The following ASTN2 variants were observed in gnomAD, a reference collection of about 807,000 sequenced individuals.
The protein encoded by ASTN2 is astrotactin-2.
A neutral mutation model predicts 139.8 loss-of-function variants in ASTN2; 54 were observed. The ratio of observed to expected loss-of-function variants is 0.39; its 90% confidence interval spans 0.31 to 0.48. The LOEUF is 0.48. Among genes scored for constraint, ASTN2 ranks in the 20% least tolerant of loss-of-function variants. The probability of loss-of-function intolerance (pLI) is 0.95; values close to 1 mark genes in which losing one functional copy is unlikely to be tolerated. For synonymous variants in ASTN2, 756 were observed against 719.5 expected (o/e 1.05, Z -0.81); for missense variants, 1,565 against 1,725.1 (o/e 0.91, Z 1.64).
intron 13 of ASTN2, among the ~76,000 whole-genome samples, chr9:116,801,466 C>T (rs1156362202): frequency 6.7e-6 from 1 of 149,492 alleles, no homozygotes; most frequent in Non-Finnish European, 1.5e-5. Flanking sequence ...GTAATCCCAG[C>T]TACTTGGGAG....
At chr9:117,013,514 G>T (rs1837592234) in intron 6 of ASTN2, among the ~76,000 whole-genome samples, 1 of 149,008 alleles carries the variant, frequency 6.7e-6, no homozygotes. Flanking sequence ...CTTACTTGTG[G>T]GAATATACAT....
At chr9:116,714,671 T>C (rs947707126) in intron 16 of ASTN2, among the ~76,000 whole-genome samples, 16 of 152,218 alleles carry the variant, frequency 1.1e-4, no homozygotes, top group Non-Finnish European at 2.2e-4. Context: ...GCTTCTTATG[T>C]ATGTTGCCAT....
chr9:116,813,003 TTTAG>T lies in ASTN2; in HGVS notation c.2208-7187_2208-7184del, dbSNP rs1376594427. Among the ~76,000 whole-genome samples, 10 of 152,176 alleles carry T rather than the reference TTTAG, an allele frequency of 6.6e-5. No individual in the cohort carries two copies. In the East Asian group the frequency reaches 9.7e-4, roughly 15 times the overall value. ...ATAGGAAGGTTTATGCTAAGGTCTA[TTTAG>T]TTGTTGGGTTTTTTTTAAATTTTAT... On this transcript the variant is annotated intron_variant, in intron 12 of 22. Transcript: ENST00000313400.
chr9:116,876,024 T>C (rs1833287007), intron 10 of ASTN2, among the ~76,000 whole-genome samples: 2 of 152,234 alleles, frequency 1.3e-5, no homozygotes, highest in African/African-American at 4.8e-5. Flanking sequence ...TGTAAGGTTA[T>C]AGTTTTCATA....
intron 10 of ASTN2, among the ~76,000 whole-genome samples, chr9:116,873,621 ATTAT>A (rs374450389): frequency 1.3e-3 from 203 of 152,284 alleles, no homozygotes; most frequent in African/African-American, 4.8e-3. Context: ...GGATTGTGCT[ATTAT>A]CCCTGTTGAT....
intron 2 of ASTN2, among the ~76,000 whole-genome samples, chr9:117,254,299 C>A (rs937866873): frequency 6.6e-6 from 1 of 152,152 alleles, no homozygotes. Context: ...CTGCCAGACC[C>A]AGTTCTAAAT....
chr9:116,825,895 G>A (rs1018346641), intron 11 of ASTN2, among the ~76,000 whole-genome samples: 5 of 152,326 alleles, frequency 3.3e-5, no homozygotes, highest in East Asian at 3.9e-4. Context: ...AAAATACTGG[G>A]GATCTACAGA....
chr9:117,127,317 C>T (rs1042554743), intron 4 of ASTN2, among the ~76,000 whole-genome samples: 3 of 152,214 alleles, frequency 2.0e-5, no homozygotes, highest in African/African-American at 7.2e-5. Context: ...AGCTCACCAG[C>T]GTTTCTCGGC....
intron 1 of ASTN2, among the ~76,000 whole-genome samples, chr9:117,362,725 C>T (rs531988779): frequency 6.6e-6 from 1 of 152,282 alleles, no homozygotes; most frequent in African/African-American, 2.4e-5. Flanking sequence ...CACCACTGTG[C>T]CCCATATCTG....
chr9:116,936,318 C>A (rs959054612), intron 10 of ASTN2, among the ~76,000 whole-genome samples: 1 of 149,176 alleles, frequency 6.7e-6, no homozygotes, highest in Non-Finnish European at 1.5e-5. Context: ...CCAACCATCA[C>A]CATAATCAGA....
intron 19 of ASTN2, among the ~76,000 whole-genome samples, chr9:116,515,970 A>T (rs1353346792): frequency 1.3e-5 from 2 of 152,226 alleles, no homozygotes; most frequent in Non-Finnish European, 2.9e-5. Flanking sequence ...GTGGGGGTTA[A>T]GAATTTAATT....
At chr9:117,117,468 G>A (rs1829427064) in intron 4 of ASTN2, among the ~76,000 whole-genome samples, 1 of 151,752 alleles carries the variant, frequency 6.6e-6, no homozygotes, top group Admixed American at 6.5e-5. Flanking sequence ...AAGAATGAGG[G>A]ACTTTGTTGA....
intron 10 of ASTN2, among the ~76,000 whole-genome samples, chr9:116,903,159 T>G (rs983498180): frequency 1.3e-5 from 2 of 152,204 alleles, no homozygotes; most frequent in African/African-American, 2.4e-5. Context: ...GCTTCCCTGA[T>G]TCTTCTACTT....
chr9:116,549,147 T>A (rs1852229066), intron 19 of ASTN2, among the ~76,000 whole-genome samples: 1 of 150,914 alleles, frequency 6.6e-6, no homozygotes, highest in African/African-American at 2.4e-5. Flanking sequence ...CTAGAACCTG[T>A]GTCATCTGAA....
chr9:117,179,666 C>T (rs571295629), intron 3 of ASTN2, among the ~76,000 whole-genome samples: 51 of 151,888 alleles, frequency 3.4e-4, no homozygotes, highest in Non-Finnish European at 4.7e-4. Flanking sequence ...GACATGAGGG[C>T]TTCCCTCCTA....
At chr9:116,877,982 G>A (rs1353242114) in intron 10 of ASTN2, among the ~76,000 whole-genome samples, 1 of 152,174 alleles carries the variant, frequency 6.6e-6, no homozygotes, top group Non-Finnish European at 1.5e-5. Flanking sequence ...GATTGTTATA[G>A]AAATGCAAAT....
intron 20 of ASTN2, among the ~76,000 whole-genome samples, chr9:116,461,038 A>G (rs1389031383): frequency 6.6e-6 from 1 of 152,094 alleles, no homozygotes; most frequent in Non-Finnish European, 1.5e-5. Context: ...CATGTTCCCA[A>G]TAATGTGCAC....
intron 16 of ASTN2, among the ~76,000 whole-genome samples, chr9:116,664,759 G>C (rs1317122340): frequency 1.3e-5 from 2 of 152,034 alleles, no homozygotes; most frequent in Non-Finnish European, 2.9e-5. Context: ...TTTAAATGCA[G>C]TATTTTGATT....
At chr9:117,003,397 T>C (rs1458203103) in intron 7 of ASTN2, among the ~76,000 whole-genome samples, 5 of 152,108 alleles carry the variant, frequency 3.3e-5, no homozygotes. Flanking sequence ...TGGCTTTATA[T>C]CCTGGCTTTG....
Sources: gnomAD v4.1 joint callset for allele counts (sites outside exome capture counted in the v4.1 genomes callset) on GRCh38, gnomAD v4.1.1 for gene constraint, MANE v1.5 for transcripts, NCBI Gene and HGNC (gene_info 2026-07-23, HGNC 2026-07-21) for gene names.